Variants in GABRG2 observed in about 807,000 individuals in gnomAD.
The protein encoded by GABRG2 is gamma-aminobutyric acid receptor subunit gamma-2.
In GABRG2, 16 loss-of-function variants were observed where a neutral mutation model predicts 56.4. The observed-to-expected ratio is 0.28, with a 90% CI of 0.19 to 0.43. The LOEUF (loss-of-function observed/expected upper bound fraction) is 0.43. GABRG2 is among the 20% of genes least tolerant of loss of function. The probability of loss-of-function intolerance (pLI) is 1.00; values close to 1 mark genes in which losing one functional copy is unlikely to be tolerated. For synonymous variants in GABRG2, 208 were observed against 205.5 expected (o/e 1.01, Z -0.10); for missense variants, 327 against 582.7 (o/e 0.56, Z 4.52).
intron 5 of GABRG2, chr5:162,102,226 T>G (rs2113358695): frequency 4.8e-6 from 1 of 209,336 alleles, no homozygotes; most frequent in Non-Finnish European, 9.9e-6. Flanking sequence ...AGAAAAATTC[T>G]CATTATAAAA....
chr5:162,103,011 A>G (rs1456125060), intron 5 of GABRG2: 4 of 153,594 alleles, frequency 2.6e-5, no homozygotes, highest in Admixed American at 6.4e-5. Context: ...TTAGTAGACA[A>G]ACTGTTAAAA....
intron 6 of GABRG2, among the ~76,000 whole-genome samples, chr5:162,137,388 A>G (rs573586127): frequency 6.6e-6 from 1 of 152,314 alleles, no homozygotes; most frequent in African/African-American, 2.4e-5. Flanking sequence ...ATCCCTGTCC[A>G]CATCTTTTCA....
At chr5:162,073,228 A>C (rs988044662) in intron 1 of GABRG2, among the ~76,000 whole-genome samples, 3 of 151,962 alleles carry the variant, frequency 2.0e-5, no homozygotes, top group Admixed American at 6.6e-5. Flanking sequence ...TTTGATTGAA[A>C]GGTCTAGACA....
At chr5:162,119,589 AG>A (rs987912585) in intron 6 of GABRG2, among the ~76,000 whole-genome samples, 17 of 152,178 alleles carry the variant, frequency 1.1e-4, no homozygotes, top group African/African-American at 3.6e-4. Flanking sequence ...ATTTTCCTTG[AG>A]CAGCCCACAG....
intron 4 of GABRG2, 65 bp downstream of exon 4, chr5:162,097,923 C>A: frequency 2.2e-6 from 3 of 1,369,590 alleles, no homozygotes; most frequent in South Asian, 1.2e-5. Context: ...AAAAATCAAC[C>A]TTAAGTCTCT....
chr5:162,070,855 A>G (rs1339149005), intron 1 of GABRG2, among the ~76,000 whole-genome samples: 4 of 152,004 alleles, frequency 2.6e-5, no homozygotes, highest in African/African-American at 9.7e-5. Flanking sequence ...AATATTCAAC[A>G]GGAGTATTTT....
Position 162,153,345 on chromosome 5 carries a change from T to G in GABRG2, c.1405T>G (p.Trp469Gly). The G allele has an allele frequency of 6.2e-7, 1 of 1,614,008 alleles. No homozygotes were observed. Among genetic ancestry groups the G allele is most frequent in the Non-Finnish European group, 8.5e-7 (1 of 1,179,906 alleles). Residue 469 changes from tryptophan (W) to glycine (G), a missense_variant, in exon 10 of 10, where the codon TGG (tryptophan) becomes GGG (glycine). Around this residue, in one of 4 missense-constraint regions of GABRG2, gnomAD observed 108 missense variants for 144.2 expected, o/e 0.75. Transcript: ENST00000639213. The part of the protein sequence containing the change: ...TAFCLFNLVY[W>G]VSYLYL ...CTTCTGCCTGTTTAATCTGGTCTAT[T>G]GGGTCTCCTACCTCTACCTGTGAGG...
chr5:162,070,338 C>A (rs1477910472), intron 1 of GABRG2, among the ~76,000 whole-genome samples: 2 of 151,660 alleles, frequency 1.3e-5, no homozygotes, highest in East Asian at 3.9e-4. Flanking sequence ...CTGCTGCAAT[C>A]CCATAAAAAA....
intron 6 of GABRG2, among the ~76,000 whole-genome samples, chr5:162,124,458 G>A (rs905165343): frequency 2.0e-5 from 3 of 151,856 alleles, no homozygotes; most frequent in African/African-American, 7.2e-5. Flanking sequence ...TAGAAAAACA[G>A]CATAGAATAG....
intron 4 of GABRG2, among the ~76,000 whole-genome samples, chr5:162,100,833 T>C (rs887520277): frequency 6.6e-6 from 1 of 152,182 alleles, no homozygotes; most frequent in African/African-American, 2.4e-5. Flanking sequence ...AATTAGCAGT[T>C]AAGATCTTAG....
At chr5:162,134,963 G>C (rs1049401573) in intron 6 of GABRG2, among the ~76,000 whole-genome samples, 1 of 152,108 alleles carries the variant, frequency 6.6e-6, no homozygotes, top group African/African-American at 2.4e-5. Flanking sequence ...AAAATTATGT[G>C]AATGCACTTT....
At chr5:162,093,737 G>C in intron 1 of GABRG2, 91 bp from the exon 2 acceptor site, 1 of 1,229,266 alleles carries the variant, frequency 8.1e-7, no homozygotes. Context: ...CTTTTATCCT[G>C]TTTTATTTCT....
In GABRG2 at chr5:162,149,321, T is replaced by C. The variant is rs1403526902; in HGVS notation, c.1128+8T>C. On this transcript the variant is annotated splice_region_variant and intron_variant, in intron 8 of 9. Coordinates refer to ENST00000639213, the MANE Select transcript of GABRG2 (RefSeq NM_198904.4). ...AAAAAGAAGAAAAACCCTGTATGTA[T>C]CATTTTCCATTGGCACCATTGAAAT... 6.2e-7 allele frequency: 1 copy of C among 1,613,128 alleles called. No homozygotes were observed. Among genetic ancestry groups the C allele is most frequent in the East Asian group, 2.2e-5 (1 of 44,884 alleles).
chr5:162,076,356 C>A (rs1759106496), intron 1 of GABRG2, among the ~76,000 whole-genome samples: 1 of 152,240 alleles, frequency 6.6e-6, no homozygotes, highest in South Asian at 2.1e-4. Flanking sequence ...AAACTCTGAA[C>A]TTTGTGGGAG....
At chr5:162,073,160 A>G (rs1176843569) in intron 1 of GABRG2, among the ~76,000 whole-genome samples, 4 of 152,000 alleles carry the variant, frequency 2.6e-5, no homozygotes, top group Non-Finnish European at 5.9e-5. Context: ...ATAGAAGGAC[A>G]TGGTTTAAGA....
In GABRG2 at chr5:162,131,058, A is replaced by G. The variant is rs146642494; in HGVS notation, c.770-11106A>G. ...ACCAAATAGATAACCAAAATGAGTAAAGTGAGAGGAGAAGCAGTGGAATCT... is the reference window on the plus strand; with the variant it reads ...ACCAAATAGATAACCAAAATGAGTAGAGTGAGAGGAGAAGCAGTGGAATCT... On this transcript the variant is annotated intron_variant, in intron 6 of 9. Transcript: ENST00000639213. Among the ~76,000 whole-genome samples the G allele has an allele frequency of 1.2e-3, 180 of 152,142 alleles. 1 individual carries two copies. The highest frequency in any genetic ancestry group is 4.2e-3 in the African/African-American group (175 of 41,564).
chr5:162,103,812 T>C, intron 5 of GABRG2, 77 bp from the exon 6 acceptor site: 1 of 1,501,210 alleles, frequency 6.7e-7, no homozygotes, highest in South Asian at 1.1e-5. Flanking sequence ...TACCTCAGTG[T>C]CATGTTCATA....
At chr5:162,071,917 GA>G (rs545298805) in intron 1 of GABRG2, among the ~76,000 whole-genome samples, 80 of 146,872 alleles carry the variant, frequency 5.4e-4, no homozygotes, top group African/African-American at 1.7e-3. Context: ...CCATTAACCT[GA>G]AAAAAAAAAT....
intron 6 of GABRG2, among the ~76,000 whole-genome samples, chr5:162,134,975 T>A (rs554582842): frequency 6.6e-6 from 1 of 152,310 alleles, no homozygotes; most frequent in South Asian, 2.1e-4. Context: ...ATGCACTTTT[T>A]AAAATTATAT....
Sources: allele counts gnomAD v4.1 joint callset (sites outside exome capture counted in the v4.1 genomes callset), GRCh38; gene constraint gnomAD v4.1.1; regional missense constraint gnomAD v4.1.1; transcripts MANE v1.5; gene names NCBI Gene and HGNC (gene_info 2026-07-23, HGNC 2026-07-21).